BTNL3: variants seen among roughly 807,000 people sequenced by gnomAD.
BTNL3 encodes butyrophilin-like protein 3.
Under a neutral mutation model 40.1 loss-of-function variants are expected in BTNL3, and 20 were observed. The observed-to-expected ratio is 0.50, with a 90% CI of 0.35 to 0.72. The LOEUF is 0.72. Among genes scored for constraint, BTNL3 ranks in the 30% least tolerant of loss-of-function variants. BTNL3 has a pLI of 0.01. For missense variants in BTNL3, 449 were observed against 582.2 expected (o/e 0.77, Z 2.35); for synonymous variants, 179 against 222.1 (o/e 0.81, Z 1.73).
At chr5:181,002,587 T>G (rs1351669783) in intron 3 of BTNL3, 85 bp from the exon 4 acceptor site, 1 of 1,214,100 alleles carries the variant, frequency 8.2e-7, no homozygotes, top group African/African-American at 1.5e-5. Flanking sequence ...GTTTTCATCT[T>G]GGGGTACTGG....
chr5:181,001,832 G>A lies in BTNL3; in HGVS notation c.674-840G>A, dbSNP rs954364130. 4.3e-5 allele frequency among the ~76,000 whole-genome samples: 5 copies of A among 115,038 alleles called. 2 individuals carry two copies. Among genetic ancestry groups the A allele is most frequent in the African/African-American group, 6.2e-5 (2 of 32,436 alleles). 75.5% of individuals were successfully genotyped at this position (115,038 alleles called of 152,430 possible). A position where few individuals can be genotyped will look rare whatever the true frequency, so the allele number is the denominator to read the frequency against. ...TGCACTCCTCCCTGGGCAACAGAGC[G>A]AGACTCTGTCTCAACAAAACAAAAC... On this transcript the variant is annotated intron_variant, in intron 3 of 7. Transcript: ENST00000342868.
At chr5:181,004,890 C>A in intron 7 of BTNL3, 128 bp downstream of exon 7, 1 of 1,552,070 alleles carries the variant, frequency 6.4e-7, no homozygotes, top group African/African-American at 1.4e-5. Context: ...GCAGCTGCCT[C>A]TAAATACACT....
chr5:180,997,377 C>A lies in BTNL3; in HGVS notation c.562C>A (p.Leu188Met). 6.8e-7 allele frequency: 1 copy of A among 1,463,858 alleles called. No individual in the cohort carries two copies. 90.7% of individuals were successfully genotyped at this position (1,463,858 alleles called of 1,614,324 possible). A position where few individuals can be genotyped will look rare whatever the true frequency, so the allele number is the denominator to read the frequency against. ...DSRANADGYS[L>M]YDVEISIIVQ... ...CAGAGCAAATGCAGATGGGTACAGC[C>A]TGTATGATGTGGAGATCTCCATTAT... The change falls in exon 3 of 8, where the codon CTG (leucine) becomes ATG (methionine). Residue 188 changes from leucine (L) to methionine (M), a missense_variant. Around this residue, in one of 2 missense-constraint regions of BTNL3, gnomAD observed 323 missense variants for 464.9 expected, o/e 0.69. Coordinates refer to ENST00000342868, the MANE Select transcript of BTNL3 (RefSeq NM_197975.3).
chr5:181,000,567 G>A (rs1227081479), intron 3 of BTNL3, among the ~76,000 whole-genome samples: 2 of 135,452 alleles, frequency 1.5e-5, no homozygotes, highest in African/African-American at 5.1e-5. Flanking sequence ...AGCACTTTGG[G>A]AGGCCGAGGC....
rs1383138998 is a variant in BTNL3, at chr5:181,001,134, T to A, written c.674-1538T>A. ...AATCTAATAAAATGTTTACAAAATC[T>A]TATTGAAGGGTATTATAAAACTGTA... On this transcript the variant is annotated intron_variant, in intron 3 of 7. Coordinates refer to ENST00000342868, the MANE Select transcript of BTNL3 (RefSeq NM_197975.3). 2.9e-5 allele frequency among the ~76,000 whole-genome samples: 4 copies of A among 136,686 alleles called. 1 individual carries two copies. Among genetic ancestry groups the A allele is most frequent in the African/African-American group, 1.0e-4 (4 of 39,808 alleles). 89.7% of individuals were successfully genotyped at this position (136,686 alleles called of 152,430 possible). A position where few individuals can be genotyped will look rare whatever the true frequency, so the allele number is the denominator to read the frequency against.
At chr5:181,004,813 G>C in intron 7 of BTNL3, 51 bp downstream of exon 7, 1 of 1,614,110 alleles carries the variant, frequency 6.2e-7, no homozygotes, top group Non-Finnish European at 8.5e-7. Context: ...AAGATGACCA[G>C]TGACAGATAT....
chr5:180,988,977 A>C lies in BTNL3; in HGVS notation c.-52A>C, dbSNP rs1759936890. 7.0e-7 allele frequency: 1 copy of C among 1,419,684 alleles called. No homozygotes were observed. The highest frequency in any genetic ancestry group is 9.6e-7 in the Non-Finnish European group (1 of 1,036,582). 87.9% of individuals were successfully genotyped at this position (1,419,684 alleles called of 1,614,324 possible). A position where few individuals can be genotyped will look rare whatever the true frequency, so the allele number is the denominator to read the frequency against. The stretch of plus-strand genomic sequence containing the variant: ...GGCCTGACCTCCAAATCATCCATCC[A>C]CCCCTGCTGTCATCTGTTTTCATAG... On this transcript the variant is annotated 5_prime_UTR_variant, in exon 1 of 8. Coordinates refer to ENST00000342868, the MANE Select transcript of BTNL3 (RefSeq NM_197975.3).
rs749486740 is a variant in BTNL3 at position 180,997,245 on chromosome 5, G to GGAT, written c.431_433dup (p.Gly144_Tyr145insTer). On this transcript the variant is annotated stop_gained and inframe_insertion, in exon 3 of 8. Transcript: ENST00000342868. LOFTEE classifies it high-confidence loss of function. The stretch of plus-strand genomic sequence containing the variant: ...CTCACTTCCTCTCATTTCCATCGTG[G>GGAT]GATATGTTGACGGAGGTATCCAGTT... 72 of 1,464,460 alleles carry GGAT rather than the reference G, an allele frequency of 4.9e-5. 11 individuals are homozygous for GGAT. In the African/African-American group the frequency reaches 8.8e-4, roughly 18 times the overall value. The allele number at this position is 1,464,460 out of a possible 1,614,324, so 90.7% of individuals were successfully genotyped here. A position where few individuals can be genotyped will look rare whatever the true frequency, so the allele number is the denominator to read the frequency against.
intron 3 of BTNL3, among the ~76,000 whole-genome samples, chr5:181,002,376 G>GTATATATATATATATA (rs55873315): frequency 2.5e-5 from 2 of 81,598 alleles, no homozygotes; most frequent in African/African-American, 7.6e-5. Context: ...ACGTGTGTGT[G>GTATATATATATATATA]TATATATATA....
chr5:181,005,262 G>A (rs1038834883), intron 7 of BTNL3, 72 bp from the exon 8 acceptor site: 1 of 1,590,992 alleles, frequency 6.3e-7, no homozygotes, highest in Non-Finnish European at 8.6e-7. Flanking sequence ...CAGTGGGAGG[G>A]TCGACCTCTT....
intron 3 of BTNL3, among the ~76,000 whole-genome samples, chr5:180,998,570 T>C (rs1760063728): frequency 7.3e-6 from 1 of 136,982 alleles, no homozygotes; most frequent in Non-Finnish European, 1.7e-5. Context: ...TTTTACCAGA[T>C]ATAAACACAT....
chr5:181,005,536 G>A lies in BTNL3; in HGVS notation c.1065G>A (p.Val355=). 1.9e-6 allele frequency: 3 copies of A among 1,614,132 alleles called. No individual in the cohort carries two copies. Among genetic ancestry groups the A allele is most frequent in the Non-Finnish European group, 2.5e-6 (3 of 1,180,032 alleles). The change falls in exon 8 of 8, where the codon GTG becomes GTA. Residue 355 remains valine (V), a synonymous_variant. Coordinates refer to ENST00000342868, the MANE Select transcript of BTNL3 (RefSeq NM_197975.3). ...VDVGQNVGWY[V]GVCRDDVDRG... is the part of the protein sequence containing the mutation. ...TGGGACAAAATGTAGGGTGGTATGTGGGAGTGTGTCGGGATGACGTAGACA... is the reference window on the plus strand; with the variant it reads ...TGGGACAAAATGTAGGGTGGTATGTAGGAGTGTGTCGGGATGACGTAGACA...
At chr5:181,002,378 A>G (rs569928350) in intron 3 of BTNL3, among the ~76,000 whole-genome samples, 348 of 5,912 alleles carry the variant, frequency 0.059, 22 homozygotes, top group Middle Eastern at 0.21. Flanking sequence ...GTGTGTGTGT[A>G]TATATATATA....
chr5:180,998,005 C>G (rs946305310), intron 3 of BTNL3, among the ~76,000 whole-genome samples: 1 of 136,130 alleles, frequency 7.3e-6, no homozygotes, highest in African/African-American at 2.5e-5. Flanking sequence ...ACCCAGGAGG[C>G]AGAGGTTGCA....
chr5:181,004,635 A>G, intron 6 of BTNL3, 101 bp from the exon 7 acceptor site: 1 of 1,612,352 alleles, frequency 6.2e-7, no homozygotes, highest in South Asian at 1.1e-5. Context: ...TGGAGGGTCC[A>G]CAACACTCAA....
chr5:181,001,261 T>A lies in BTNL3; in HGVS notation c.674-1411T>A, dbSNP rs1316738767. ...GATACCAGTTCTCCTAGAATTGCTG[T>A]ACAGATTCAATACAATTCCATAGAA... On this transcript the variant is annotated intron_variant, in intron 3 of 7. Transcript: ENST00000342868. Among the ~76,000 whole-genome samples, 4 of 136,846 alleles carry A rather than the reference T, an allele frequency of 2.9e-5. 1 individual carries two copies. The highest frequency in any genetic ancestry group is 7.7e-5 in the Admixed American group (1 of 12,960). The allele number at this position is 136,846 out of a possible 152,430, so 89.8% of individuals were successfully genotyped here. A position where few individuals can be genotyped will look rare whatever the true frequency, so the allele number is the denominator to read the frequency against.
rs1434365526 is a variant in BTNL3 at position 180,991,428 on chromosome 5, G to A, written c.50-1385G>A. 2.2e-5 allele frequency among the ~76,000 whole-genome samples: 3 copies of A among 136,774 alleles called. 1 individual carries two copies. The highest frequency in any genetic ancestry group is 5.0e-5 in the Non-Finnish European group (3 of 59,714). 89.7% of individuals were successfully genotyped at this position (136,774 alleles called of 152,430 possible). A position where few individuals can be genotyped will look rare whatever the true frequency, so the allele number is the denominator to read the frequency against. On this transcript the variant is annotated intron_variant, in intron 1 of 7. Transcript: ENST00000342868. ...ACATGTGAATGAATCAAGAGACACT[G>A]CCAATCAAAGGGGGTGGGTACTTAG... is the stretch of plus-strand genomic sequence containing the variant.
Position 180,998,487 on chromosome 5 carries a change from G to A in BTNL3, c.673+999G>A, listed in dbSNP as rs140857528. 3.1e-4 allele frequency among the ~76,000 whole-genome samples: 43 copies of A among 136,638 alleles called. 6 individuals are homozygous for A. The highest frequency in any genetic ancestry group is 1.0e-3 in the African/African-American group (40 of 39,850). 89.6% of individuals were successfully genotyped at this position (136,638 alleles called of 152,430 possible). A position where few individuals can be genotyped will look rare whatever the true frequency, so the allele number is the denominator to read the frequency against. On this transcript the variant is annotated intron_variant, in intron 3 of 7. Transcript: ENST00000342868. ...TAAAAATTAATAAGTCTGAAATAAC[G>A]TATTTTTGGAGATGGCACTCCAGGT...
At position 181,000,338 on chromosome 5, in the gene BTNL3, C is replaced by T. The variant is rs1444510023; in HGVS notation, c.674-2334C>T. 2.2e-5 allele frequency among the ~76,000 whole-genome samples: 3 copies of T among 136,752 alleles called. 1 individual carries two copies. Among genetic ancestry groups the T allele is most frequent in the Non-Finnish European group, 5.0e-5 (3 of 59,918 alleles). 89.7% of individuals were successfully genotyped at this position (136,752 alleles called of 152,430 possible). A position where few individuals can be genotyped will look rare whatever the true frequency, so the allele number is the denominator to read the frequency against. On this transcript the variant is annotated intron_variant, in intron 3 of 7. Coordinates refer to ENST00000342868, the MANE Select transcript of BTNL3 (RefSeq NM_197975.3). ...ACATCTATTCATCATGATTTCAACA[C>T]TTGCAAATCTAGAAATAGAAGAAAA...
Sources: gnomAD v4.1 joint callset for allele counts (sites outside exome capture counted in the v4.1 genomes callset) on GRCh38, gnomAD v4.1.1 for gene constraint, gnomAD v4.1.1 regional missense constraint, MANE v1.5 for transcripts, NCBI Gene and HGNC (gene_info 2026-07-23, HGNC 2026-07-21) for gene names.